The following LRRC71 variants were observed in gnomAD, a reference collection of about 807,000 sequenced individuals.
LRRC71 encodes the protein leucine rich repeat containing 71, also known as leucine-rich repeat-containing protein 71.
LRRC71 carries 54 observed loss-of-function variants against 66.6 expected under a neutral mutation model. The observed-to-expected ratio is 0.81, with a 90% confidence interval of 0.65 to 1.02. The LOEUF (loss-of-function observed/expected upper bound fraction) is 1.02. Ranked by LOEUF, LRRC71 falls within the 50% of genes least tolerant of loss-of-function variation. The pLI, the probability that LRRC71 is intolerant of heterozygous loss-of-function variation, is 0.00. For synonymous variants in LRRC71, 323 were observed against 303.9 expected (o/e 1.06, Z -0.65); for missense variants, 724 against 718.0 (o/e 1.01, Z -0.10).
chr1:156,921,419 G>A (rs536849539), intron 1 of LRRC71, among the ~76,000 whole-genome samples: 1 of 152,222 alleles, frequency 6.6e-6, no homozygotes, highest in East Asian at 1.9e-4. Context: ...CCTTTTTGTT[G>A]CAAGTGATAG....
At chr1:156,936,181 CCCCA>C, downstream of LRRC71, 5 of 1,045,722 alleles carry the variant, frequency 4.8e-6, no homozygotes, top group Non-Finnish European at 6.0e-6. Flanking sequence ...CCTCCAGAAA[CCCCA>C]GTTTCTCGTA....
In LRRC71 at chr1:156,924,638, C is replaced by T; in HGVS notation, c.440-5C>T. 2 of 1,551,698 alleles carry T rather than the reference C, an allele frequency of 1.3e-6. No individual in the cohort carries two copies. The highest frequency in any genetic ancestry group is 1.7e-6 in the Non-Finnish European group (2 of 1,146,992). On this transcript the variant is annotated splice_polypyrimidine_tract_variant and splice_region_variant and intron_variant, in intron 3 of 14. Transcript: ENST00000337428. ...CTGAGGCACCTGCCTCCTCTTGGCC[C>T]GCAGGTTGGAAGGTTGAGGAACGGA... is the stretch of plus-strand genomic sequence containing the variant.
intron 4 of LRRC71, 57 bp downstream of exon 4, chr1:156,924,775 G>C: frequency 1.9e-6 from 3 of 1,542,552 alleles, no homozygotes; most frequent in Non-Finnish European, 2.6e-6. Context: ...GGCTCCTGGT[G>C]GCTTGGGAGA....
chr1:156,932,760 T>G, intron 14 of LRRC71, 93 bp from the exon 15 acceptor site: 17 of 1,158,360 alleles, frequency 1.5e-5, no homozygotes, highest in Non-Finnish European at 1.7e-5. Context: ...CCCCAGCCCC[T>G]AACCCACCCT....
Position 156,920,747 on chromosome 1 carries a change from G to A in LRRC71, c.-57G>A. 7.0e-7 allele frequency: 1 copy of A among 1,438,458 alleles called. No individual in the cohort carries two copies. Among genetic ancestry groups the A allele is most frequent in the Non-Finnish European group, 9.1e-7 (1 of 1,093,040 alleles). The allele number at this position is 1,438,458 out of a possible 1,614,324, so 89.1% of individuals were successfully genotyped here. On this transcript the variant is annotated 5_prime_UTR_variant, in exon 1 of 15. Transcript: ENST00000337428. This position sits in a 1 kb window ranked among gnomAD's most constrained non-coding sequence, Gnocchi z 4.9. ...ACCCCCAGACTGAGCCCCGTAGAGTGCGTTCTTACCTTCCTGCCCCGACGA... is the reference window on the plus strand; with the variant it reads ...ACCCCCAGACTGAGCCCCGTAGAGTACGTTCTTACCTTCCTGCCCCGACGA...
intron 11 of LRRC71, among the ~76,000 whole-genome samples, chr1:156,930,060 T>TTTTCTTTC (rs1553189698): frequency 1.2e-4 from 15 of 126,194 alleles, no homozygotes; most frequent in East Asian, 2.5e-4. Flanking sequence ...CTTTCTTTCT[T>TTTTCTTTC]TTTCTTTCTT....
downstream of LRRC71, among the ~76,000 whole-genome samples, chr1:156,936,497 A>AAAAAAAAAAATATAT (rs370282821): frequency 2.1e-4 from 7 of 33,918 alleles, no homozygotes; most frequent in African/African-American, 7.7e-4. Flanking sequence ...AAAAAAAAAA[A>AAAAAAAAAAATATAT]ATATATATAT....
At chr1:156,925,063 G>A (rs1253012854) in intron 5 of LRRC71, 48 bp downstream of exon 5, 7 of 1,530,010 alleles carry the variant, frequency 4.6e-6, no homozygotes, top group Non-Finnish European at 6.2e-6. Flanking sequence ...TGGCTGGGCG[G>A]GTGGTCAGAG....
chr1:156,937,737 C>T (rs1187443556), downstream of LRRC71, among the ~76,000 whole-genome samples: 1 of 152,202 alleles, frequency 6.6e-6, no homozygotes, highest in African/African-American at 2.4e-5. Context: ...GAGCGATGAA[C>T]TCAAGGGAGA....
intron 1 of LRRC71, among the ~76,000 whole-genome samples, chr1:156,923,358 G>A (rs991841581): frequency 6.6e-6 from 1 of 152,220 alleles, no homozygotes; most frequent in Non-Finnish European, 1.5e-5. Context: ...CTCAGGTTGG[G>A]ATGTGGTGGG....
rs1464679427 is a variant in LRRC71, at chr1:156,920,844, C to T, written c.41C>T (p.Ala14Val). 6 of 1,536,934 alleles carry T rather than the reference C, an allele frequency of 3.9e-6. No homozygotes were observed. The East Asian group carries it at 1.2e-4, about 32-fold the overall frequency. Reference sequence around the variant, plus strand: ...AGCGCGCCGGGGGCCTCACCCAGGGCCCCGCGTCCGGGGACCCAGAAGTCT... The same window carrying T: ...AGCGCGCCGGGGGCCTCACCCAGGGTCCCGCGTCCGGGGACCCAGAAGTCT... ...EQSAPGASPRAPRPGTQKSSG... is the reference protein window; with the variant it reads ...EQSAPGASPRVPRPGTQKSSG... The change falls in exon 1 of 15, where the codon GCC becomes GTC. Residue 14 changes from alanine to valine, a missense_variant. By Grantham distance (64) the Ala-to-Val change is moderately conservative. Transcript: ENST00000337428. The surrounding 1 kb of genome is among the most constrained non-coding windows in gnomAD (Gnocchi z 4.9).
chr1:156,923,310 C>G (rs577064992), intron 1 of LRRC71, among the ~76,000 whole-genome samples: 3 of 152,314 alleles, frequency 2.0e-5, no homozygotes, highest in African/African-American at 7.2e-5. Flanking sequence ...GCAAGTGTCC[C>G]TTGAAGACTC....
chr1:156,937,404 G>A (rs1019024690), downstream of LRRC71: 2 of 1,594,314 alleles, frequency 1.3e-6, no homozygotes, highest in Middle Eastern at 1.7e-4. Context: ...CCTGCAGGGA[G>A]GCTGTCAGGC....
intron 11 of LRRC71, among the ~76,000 whole-genome samples, chr1:156,930,091 T>TTTCTTTCTTTCTTTC (rs1557793297): frequency 2.1e-5 from 2 of 96,844 alleles, no homozygotes; most frequent in African/African-American, 8.8e-5. Flanking sequence ...CTTTCTTTCT[T>TTTCTTTCTTTCTTTC]TCTCTCTCTT....
chr1:156,921,712 A>AAAACACAC (rs1207574697), intron 1 of LRRC71: 16 of 278,324 alleles, frequency 5.7e-5, no homozygotes, highest in African/African-American at 4.1e-4. Context: ...TTACATTCAA[A>AAAACACAC]ACACACACAC....
chr1:156,928,841 G>T (rs1311539975), intron 9 of LRRC71, among the ~76,000 whole-genome samples: 1 of 152,020 alleles, frequency 6.6e-6, no homozygotes, highest in African/African-American at 2.4e-5. Context: ...AAAGTATTGG[G>T]ATTACAGGCG....
intron 2 of LRRC71, 66 bp from the exon 3 acceptor site, chr1:156,924,358 G>C (rs965051296): frequency 2.0e-6 from 3 of 1,518,726 alleles, no homozygotes; most frequent in East Asian, 4.9e-5. Flanking sequence ...CCGGGCACCC[G>C]TGGGCCGGCC....
chr1:156,928,363 C>CTCT (rs71080802), intron 9 of LRRC71, among the ~76,000 whole-genome samples: 6,124 of 98,732 alleles, frequency 0.062, 223 homozygotes, highest in Non-Finnish European at 0.067. Flanking sequence ...CTTCTTCTTC[C>CTCT]TCTTCTTCTT....
At chr1:156,935,990 G>A (rs1450449947), downstream of LRRC71, 2 of 1,611,404 alleles carry the variant, frequency 1.2e-6, no homozygotes, top group East Asian at 4.5e-5. Context: ...GGATTTGGTG[G>A]TTTGTACGGT....
Sources: allele counts gnomAD v4.1 joint callset (sites outside exome capture counted in the v4.1 genomes callset), GRCh38; gene constraint gnomAD v4.1.1; non-coding constraint Gnocchi (gnomAD v3.1); transcripts MANE v1.5; gene names NCBI Gene and HGNC (gene_info 2026-07-23, HGNC 2026-07-21).